Variants in PRKCA observed in about 807,000 individuals in gnomAD.
PRKCA encodes the protein protein kinase C alpha.
A neutral mutation model predicts 87.0 loss-of-function variants in PRKCA; 27 were observed. The observed-to-expected ratio is 0.31, with a 90% CI of 0.23 to 0.43. PRKCA has a LOEUF of 0.43. Among genes scored for constraint, PRKCA ranks in the 20% least tolerant of loss-of-function variants. The pLI is 1.00. For synonymous variants in PRKCA, 329 were observed against 311.1 expected (o/e 1.06, Z -0.61); for missense variants, 518 against 852.3 (o/e 0.61, Z 4.88).
chr17:66,656,045 G>C (rs1971726833), intron 5 of PRKCA, among the ~76,000 whole-genome samples: 2 of 152,128 alleles, frequency 1.3e-5, no homozygotes, highest in Admixed American at 1.3e-4. Flanking sequence ...TTCATGCTTG[G>C]TTCTCTGTGC....
intron 2 of PRKCA, among the ~76,000 whole-genome samples, chr17:66,423,481 G>C (rs1912608672): frequency 6.6e-6 from 1 of 152,164 alleles, no homozygotes; most frequent in Non-Finnish European, 1.5e-5. Flanking sequence ...GGAATGATAT[G>C]ACTAAGAAAG....
intron 8 of PRKCA, among the ~76,000 whole-genome samples, 140 bp from the exon 9 acceptor site, chr17:66,732,535 ATCTGAACAGGTAC>A (rs781344265): frequency 1.3e-5 from 2 of 152,188 alleles, no homozygotes; most frequent in African/African-American, 2.4e-5. Flanking sequence ...AGCTGCTGAT[ATCTGAACAGGTAC>A]TCAATTCTCA....
At chr17:66,608,090 T>C (rs1567928277) in intron 3 of PRKCA, among the ~76,000 whole-genome samples, 1 of 152,002 alleles carries the variant, frequency 6.6e-6, no homozygotes, top group Non-Finnish European at 1.5e-5. Flanking sequence ...TTGGAATACA[T>C]TGAAGCACAC....
chr17:66,715,134 T>G (rs1222427187), intron 8 of PRKCA, among the ~76,000 whole-genome samples: 1 of 151,998 alleles, frequency 6.6e-6, no homozygotes, highest in Non-Finnish European at 1.5e-5. Flanking sequence ...TTTTTGGTTT[T>G]TTTTTTTTTC....
At chr17:66,666,296 AG>A (rs1972040395) in intron 5 of PRKCA, among the ~76,000 whole-genome samples, 1 of 152,182 alleles carries the variant, frequency 6.6e-6, no homozygotes, top group African/African-American at 2.4e-5. Context: ...CAGCAGACTA[AG>A]GTTTAACATT....
chr17:66,801,367 G>T (rs1362758229), intron 16 of PRKCA, among the ~76,000 whole-genome samples: 2 of 152,206 alleles, frequency 1.3e-5, no homozygotes, highest in African/African-American at 4.8e-5. Context: ...TCCCACCCAA[G>T]TCATGATGAC....
At chr17:66,616,029 T>C (rs1247043103) in intron 3 of PRKCA, among the ~76,000 whole-genome samples, 1 of 152,160 alleles carries the variant, frequency 6.6e-6, no homozygotes, top group Non-Finnish European at 1.5e-5. Flanking sequence ...TGAGGTTTTA[T>C]GCAATGTTAC....
chr17:66,470,190 CTTTT>C (rs546468555), intron 2 of PRKCA, among the ~76,000 whole-genome samples: 27 of 101,458 alleles, frequency 2.7e-4, no homozygotes, highest in South Asian at 7.9e-4. Flanking sequence ...AACCAGTTTG[CTTTT>C]TTTTTTTTTT....
At chr17:66,608,073 G>A (rs1488145449) in intron 3 of PRKCA, among the ~76,000 whole-genome samples, 1 of 151,792 alleles carries the variant, frequency 6.6e-6, no homozygotes, top group Non-Finnish European at 1.5e-5. Flanking sequence ...TCTGTCGTCT[G>A]CTGGTCTTGG....
chr17:66,495,805 G>A (rs1006031129), intron 2 of PRKCA, among the ~76,000 whole-genome samples: 5 of 152,038 alleles, frequency 3.3e-5, no homozygotes, highest in African/African-American at 1.2e-4. Flanking sequence ...CTGACATCAA[G>A]TGATCTACCT....
chr17:66,628,394 T>C (rs561858109), intron 3 of PRKCA, among the ~76,000 whole-genome samples: 22 of 151,606 alleles, frequency 1.5e-4, no homozygotes, highest in African/African-American at 5.3e-4. Flanking sequence ...TGATGAAATA[T>C]CATACAGTAA....
intron 3 of PRKCA, among the ~76,000 whole-genome samples, chr17:66,569,632 A>C (rs1969010026): frequency 6.6e-6 from 1 of 152,160 alleles, no homozygotes; most frequent in African/African-American, 2.4e-5. Context: ...AAAAATGGGG[A>C]GGAGATTTGT....
chr17:66,728,891 G>T (rs999789732), intron 8 of PRKCA, among the ~76,000 whole-genome samples: 1 of 152,192 alleles, frequency 6.6e-6, no homozygotes, highest in African/African-American at 2.4e-5. Flanking sequence ...AGTATGAACC[G>T]CAACTTCACC....
intron 13 of PRKCA, among the ~76,000 whole-genome samples, chr17:66,768,252 T>C (rs1322746958): frequency 7.2e-6 from 1 of 138,652 alleles, no homozygotes; most frequent in Non-Finnish European, 1.6e-5. Context: ...CCATTTTTTT[T>C]TTTTTTTTTG....
chr17:66,620,994 A>C (rs185889230), intron 3 of PRKCA, among the ~76,000 whole-genome samples: 12 of 152,354 alleles, frequency 7.9e-5, no homozygotes. Flanking sequence ...GCACAAGTTT[A>C]GCTAGGCTCT....
chr17:66,519,093 C>G (rs567099235), intron 3 of PRKCA, among the ~76,000 whole-genome samples: 1 of 152,272 alleles, frequency 6.6e-6, no homozygotes, highest in South Asian at 2.1e-4. Flanking sequence ...AGGCAATGGG[C>G]TCATGCTATT....
At chr17:66,392,232 C>CA (rs746861945) in intron 2 of PRKCA, among the ~76,000 whole-genome samples, 4,092 of 53,234 alleles carry the variant, frequency 0.077, 163 homozygotes, top group Middle Eastern at 0.16. Flanking sequence ...TGTGTCTCAA[C>CA]AACAACAAAA....
intron 2 of PRKCA, among the ~76,000 whole-genome samples, chr17:66,422,550 G>T (rs371207723): frequency 6.6e-6 from 1 of 152,236 alleles, no homozygotes; most frequent in East Asian, 1.9e-4. Flanking sequence ...GGCCCAGAAG[G>T]GCAGTGAGGA....
chr17:66,461,035 A>G (rs2319526), intron 2 of PRKCA, among the ~76,000 whole-genome samples: 9,669 of 152,026 alleles, frequency 0.064, 1,017 homozygotes, highest in African/African-American at 0.22. Context: ...GCAAAACCCC[A>G]TCTCTACAAA....
Sources: allele counts gnomAD v4.1 joint callset (sites outside exome capture counted in the v4.1 genomes callset), GRCh38; gene constraint gnomAD v4.1.1; transcripts MANE v1.5; gene names NCBI Gene and HGNC (gene_info 2026-07-23, HGNC 2026-07-21).